Variants in EPN3 observed in about 807,000 individuals in gnomAD.
The protein encoded by EPN3 is epsin-3.
EPN3 carries 56 observed loss-of-function variants against 55.5 expected under a neutral mutation model. The ratio of observed to expected loss-of-function variants is 1.01; its 90% CI spans 0.81 to 1.26. EPN3 has a LOEUF of 1.26. EPN3 is among the 50% of genes most tolerant of loss of function. The pLI is 0.00. For synonymous variants in EPN3, 449 were observed against 375.2 expected (o/e 1.20, Z -2.27); for missense variants, 927 against 853.4 (o/e 1.09, Z -1.07).
At position 50,532,822 on chromosome 17, in the gene EPN3, G is replaced by C; in HGVS notation, c.-300G>C. 1 of 1,186,416 alleles carries C rather than the reference G, an allele frequency of 8.4e-7. No individual in the cohort carries two copies. The highest frequency in any genetic ancestry group is 1.3e-5 in the South Asian group (1 of 76,762). 73.5% of individuals were successfully genotyped at this position (1,186,416 alleles called of 1,614,324 possible). ...GGGACCCTGCCGCTGCCCCTCTGAG[G>C]GGTCTGCACCTCCTGGGAGCAGGTG... On this transcript the variant is annotated 5_prime_UTR_variant, in exon 1 of 10. Transcript: ENST00000268933.
Position 50,539,291 on chromosome 17 carries a change from G to A in EPN3, c.867G>A (p.Glu289=). ...AGCCTGAGAGAGAAGAGAGAAAGGA[G>A]GAGGAGAAGCTAAAAACCAGCCAGG... is the stretch of plus-strand genomic sequence containing the variant. The part of the protein sequence containing the change: ...DREPEREERK[E]EEKLKTSQSS... Residue 289 remains glutamate (E), a synonymous_variant, in exon 5 of 10, where the codon GAG becomes GAA. Transcript: ENST00000268933. 7 of 1,614,218 alleles carry A rather than the reference G, an allele frequency of 4.3e-6. 1 individual carries two copies. The highest frequency in any genetic ancestry group is 2.2e-5 in the South Asian group (2 of 91,084).
chr17:50,538,145 AG>A lies in EPN3; in HGVS notation c.631del (p.Glu211AsnfsTer10), dbSNP rs1291972550. On this transcript the variant is annotated frameshift_variant, in exon 3 of 10. Transcript: ENST00000268933. LOFTEE classifies it high-confidence loss of function. ...GCCCGGCCTCAGACGTCAGGGGAAG[AG>A]GAACTGCAGCTGCAGCTGGCCCTCG... Reference protein sequence around the residue: ...EQARPQTSGEEELQLQLALAM... With the variant: ...EQARPQTSGEXELQLQLALAM... The A allele has an allele frequency of 6.2e-7, 1 of 1,613,602 alleles. No homozygotes were observed. The highest frequency in any genetic ancestry group is 1.3e-5 in the African/African-American group (1 of 74,932).
chr17:50,535,358 G>A (rs539596242), intron 1 of EPN3, among the ~76,000 whole-genome samples: 6 of 152,318 alleles, frequency 3.9e-5, no homozygotes, highest in South Asian at 2.1e-4. Flanking sequence ...TGCCACTTAC[G>A]TGCCATATGA....
chr17:50,536,614 G>C lies in EPN3; in HGVS notation c.58G>C (p.Ala20Pro), dbSNP rs753134986. The C allele has an allele frequency of 6.2e-7, 1 of 1,614,082 alleles. No homozygotes were observed. The highest frequency in any genetic ancestry group is 1.1e-5 in the South Asian group (1 of 91,080). Residue 20 changes from alanine to proline, a missense_variant, in exon 2 of 10, where the codon GCA (alanine) becomes CCA (proline). Coordinates refer to ENST00000268933, the MANE Select transcript of EPN3 (RefSeq NM_017957.3). ...GAACATCGTGCACAACTACTCCGAG[G>C]CAGAAATCAAGGTGCGCGAGGCCAC... ...VKNIVHNYSE[A>P]EIKVREATSN...
rs951367231 is a variant in EPN3 at position 50,542,440 on chromosome 17, T to G, written c.*283T>G. The G allele has an allele frequency of 5.2e-6, 2 of 385,256 alleles. No homozygotes were observed. Among genetic ancestry groups the G allele is most frequent in the Non-Finnish European group, 9.2e-6 (2 of 216,696 alleles). The allele number at this position is 385,256 out of a possible 1,614,324, so 23.9% of individuals were successfully genotyped here. On this transcript the variant is annotated 3_prime_UTR_variant, in exon 10 of 10. Coordinates refer to ENST00000268933, the MANE Select transcript of EPN3 (RefSeq NM_017957.3). ...ACCACAGCGTGGATCACCGGCTGTT[T>G]AGGAAACTGCAGCTGCACAACGTGG...
At chr17:50,533,916 G>A (rs1282228703) in intron 1 of EPN3, among the ~76,000 whole-genome samples, 3 of 152,160 alleles carry the variant, frequency 2.0e-5, no homozygotes, top group Non-Finnish European at 4.4e-5. Context: ...GCTGCCCAGG[G>A]CTGCTGCTGC....
intron 1 of EPN3, chr17:50,534,670 C>A: frequency 1.0e-6 from 1 of 983,418 alleles, no homozygotes; most frequent in Non-Finnish European, 1.2e-6. Context: ...GCGCTGTGGG[C>A]CAGGCACTCT....
At position 50,542,111 on chromosome 17, in the gene EPN3, G is replaced by C. The variant is rs1162424654; in HGVS notation, c.1853G>C (p.Gly618Ala). The change falls in exon 10 of 10, where the codon GGG becomes GCG. Residue 618 changes from glycine (G) to alanine (A), a missense_variant. By Grantham distance (60) the Gly-to-Ala change is moderately conservative. Coordinates refer to ENST00000268933, the MANE Select transcript of EPN3 (RefSeq NM_017957.3). ...QPLLPTPSSAGPRPPPPQTGT... is the reference protein window; with the variant it reads ...QPLLPTPSSAAPRPPPPQTGT... ...CTGCTGCCCACGCCGAGCTCAGCCG[G>C]GCCGCGGCCCCCGCCCCCGCAGACC... 1 of 1,538,504 alleles carries C rather than the reference G, an allele frequency of 6.5e-7. No homozygotes were observed. Among genetic ancestry groups the C allele is most frequent in the Non-Finnish European group, 8.7e-7 (1 of 1,152,624 alleles).
At chr17:50,534,685 C>T (rs1233839230) in intron 1 of EPN3, 1 of 976,278 alleles carries the variant, frequency 1.0e-6, no homozygotes, top group Non-Finnish European at 1.2e-6. Flanking sequence ...CACTCTCCAC[C>T]TCGCCCACTC....
rs781657200 is a variant in EPN3, at chr17:50,538,919, G to T, written c.717G>T (p.Leu239=). ...CAGCCTCCCACAGGGACGAGGACCT[G>T]CAGCTGCAGCTGGCTCTGCGCCTGA... ...VPPASHRDED[L]QLQLALRLSR... is the part of the protein sequence containing the mutation. The change falls in exon 4 of 10, where the codon CTG becomes CTT. Residue 239 remains leucine, a synonymous_variant. Coordinates refer to ENST00000268933, the MANE Select transcript of EPN3 (RefSeq NM_017957.3). 6 of 1,608,546 alleles carry T rather than the reference G, an allele frequency of 3.7e-6. No homozygotes were observed. The South Asian group carries it at 6.6e-5, about 18-fold the overall frequency.
chr17:50,534,333 T>TC, intron 1 of EPN3: 1 of 851,130 alleles, frequency 1.2e-6, no homozygotes, highest in Non-Finnish European at 1.4e-6. Context: ...ACACCGAGAG[T>TC]CCCCTCCCAG....
chr17:50,540,380 C>A, intron 6 of EPN3, 46 bp downstream of exon 6: 1 of 1,547,894 alleles, frequency 6.5e-7, no homozygotes. Context: ...GCCCAAGAGC[C>A]TCCTCCTTCC....
intron 5 of EPN3, 49 bp from the exon 6 acceptor site, chr17:50,540,198 C>T: frequency 4.6e-6 from 7 of 1,509,100 alleles, no homozygotes; most frequent in Non-Finnish European, 6.4e-6. Flanking sequence ...CCTGCCCTCC[C>T]TCCAGGCCCC....
chr17:50,533,371 G>C (rs16949120), intron 1 of EPN3, among the ~76,000 whole-genome samples: 1 of 152,044 alleles, frequency 6.6e-6, no homozygotes, highest in Non-Finnish European at 1.5e-5. Flanking sequence ...GTGGCCAGAA[G>C]CTTAGAGTTC....
rs2034842098 is a variant in EPN3 at position 50,541,075 on chromosome 17, C to A, written c.1249+13C>A. ...TCCGACACACCTGGTAAGAAGAGGG[C>A]CAGAGAGTGTGAGTGAGGAGCTGGG... On this transcript the variant is annotated intron_variant, in intron 7 of 9. Coordinates refer to ENST00000268933, the MANE Select transcript of EPN3 (RefSeq NM_017957.3). 4 of 1,571,914 alleles carry A rather than the reference C, an allele frequency of 2.5e-6. No individual in the cohort carries two copies. Among genetic ancestry groups the A allele is most frequent in the Middle Eastern group, 3.4e-4 (2 of 5,882 alleles).
intron 3 of EPN3, 48 bp downstream of exon 3, chr17:50,538,245 G>T (rs893797885): frequency 1.3e-6 from 2 of 1,494,846 alleles, no homozygotes; most frequent in Non-Finnish European, 1.8e-6. Flanking sequence ...GGGCTAGGGG[G>T]AGAGAGTGCC....
chr17:50,537,777 A>C, intron 2 of EPN3: 1 of 378,962 alleles, frequency 2.6e-6, no homozygotes, highest in South Asian at 5.3e-5. Context: ...GACAGGGTCC[A>C]TCTGGAAGTC....
rs142090732 is a variant in EPN3, at chr17:50,538,301, A to G, written c.681+104A>G. The stretch of plus-strand genomic sequence containing the variant: ...CTCAGGCTCTGTCACCCAAAGCCCC[A>G]GTCCTGTGCCCAAGGACAGCACAAG... On this transcript the variant is annotated intron_variant, in intron 3 of 9. Coordinates refer to ENST00000268933, the MANE Select transcript of EPN3 (RefSeq NM_017957.3). 4.5e-4 allele frequency: 388 copies of G among 860,968 alleles called. 2 individuals are homozygous for G. The African/African-American group carries it at 5.8e-3, about 13-fold the overall frequency. 53.3% of individuals were successfully genotyped at this position (860,968 alleles called of 1,614,324 possible).
intron 7 of EPN3, 23 bp from the exon 8 acceptor site, chr17:50,541,203 TCTC>T: frequency 6.2e-7 from 1 of 1,612,996 alleles, no homozygotes; most frequent in Non-Finnish European, 8.5e-7. Flanking sequence ...TGTCAACCCA[TCTC>T]CTCTTCCTCT....
Sources: allele counts gnomAD v4.1 joint callset (sites outside exome capture counted in the v4.1 genomes callset), GRCh38; gene constraint gnomAD v4.1.1; transcripts MANE v1.5; gene names NCBI Gene and HGNC (gene_info 2026-07-23, HGNC 2026-07-21).